The following NUDT7 variants were observed in gnomAD, a reference collection of about 807,000 sequenced individuals.
The protein encoded by NUDT7 is peroxisomal coenzyme A diphosphatase NUDT7.
A neutral mutation model predicts 13.1 loss-of-function variants in NUDT7; 19 were observed. The observed-to-expected ratio is 1.45, with a 90% CI of 1.01 to 2.13. The LOEUF is 2.13. Among genes scored for constraint, NUDT7 ranks in the 30% most tolerant of loss-of-function variants. The pLI is 0.00. For missense variants in NUDT7, 360 were observed against 291.7 expected (o/e 1.23, Z -1.71); for synonymous variants, 132 against 109.7 (o/e 1.20, Z -1.27).
intron 2 of NUDT7, among the ~76,000 whole-genome samples, chr16:77,727,784 G>A (rs2014184326): frequency 1.3e-5 from 2 of 152,144 alleles, no homozygotes; most frequent in South Asian, 4.1e-4. Flanking sequence ...TTGAACCTGG[G>A]AGGTGGAGGT....
At chr16:77,732,353 T>C (rs1404470787) in intron 2 of NUDT7, among the ~76,000 whole-genome samples, 1 of 151,716 alleles carries the variant, frequency 6.6e-6, no homozygotes, top group Non-Finnish European at 1.5e-5. Context: ...AAGAAAAATA[T>C]TTTTATAAAC....
At chr16:77,722,751 G>C in intron 1 of NUDT7, 134 bp downstream of exon 1, 2 of 800,752 alleles carry the variant, frequency 2.5e-6, no homozygotes, top group South Asian at 3.1e-5. Flanking sequence ...CCGGATGGGG[G>C]AGCACTCGCC....
At position 77,725,604 on chromosome 16, in the gene NUDT7, C is replaced by A. The variant is rs2014109968; in HGVS notation, c.189+20C>A. ...GAGAAGGTAGGTGGACAAAAAATTT[C>A]CTGCCCTTAAACCTCAGGACATCAG... On this transcript the variant is annotated intron_variant, in intron 2 of 3. Transcript: ENST00000268533. 6.2e-7 allele frequency: 1 copy of A among 1,612,190 alleles called. No homozygotes were observed. Among genetic ancestry groups the A allele is most frequent in the Admixed American group, 1.7e-5 (1 of 59,790 alleles).
intron 1 of NUDT7, 98 bp from the exon 2 acceptor site, chr16:77,725,333 T>C: frequency 9.1e-7 from 1 of 1,103,900 alleles, no homozygotes; most frequent in Non-Finnish European, 1.3e-6. Flanking sequence ...AATGGCAAAC[T>C]CCTAAATACA....
chr16:77,738,338 G>A (rs763812459), intron 3 of NUDT7, among the ~76,000 whole-genome samples: 4 of 152,128 alleles, frequency 2.6e-5, no homozygotes, highest in Non-Finnish European at 5.9e-5. Context: ...ATTCCTGGGG[G>A]CCAGATACTC....
chr16:77,726,622 C>G (rs1173525144), intron 2 of NUDT7, among the ~76,000 whole-genome samples: 1 of 152,124 alleles, frequency 6.6e-6, no homozygotes, highest in South Asian at 2.1e-4. Context: ...TAGTGAAACC[C>G]CATCTCTACT....
rs199760367 is a variant in NUDT7, at chr16:77,725,573, C to G, written c.178C>G (p.Arg60Gly). 2.4e-5 allele frequency: 38 copies of G among 1,613,748 alleles called. No homozygotes were observed. Among genetic ancestry groups the G allele is most frequent in the Non-Finnish European group, 3.2e-5 (38 of 1,179,918 alleles). Residue 60 changes from arginine (R) to glycine (G), a missense_variant, in exon 2 of 4, where the codon CGG (arginine) becomes GGG (glycine). By Grantham distance (125) the Arg-to-Gly change is moderately radical (BLOSUM62 -2). Coordinates refer to ENST00000268533, the MANE Select transcript of NUDT7 (RefSeq NM_001105663.3). ...EGKLHLLFTVRSEKLRRAPGE... is the reference protein window; with the variant it reads ...EGKLHLLFTVGSEKLRRAPGE... ...AAAACTCCATTTGTTGTTCACCGTC[C>G]GGTCAGAGAAGGTAGGTGGACAAAA... is the stretch of plus-strand genomic sequence containing the variant.
chr16:77,730,219 C>T (rs12443588), intron 2 of NUDT7, among the ~76,000 whole-genome samples: 125,492 of 152,118 alleles, frequency 0.82, 52,817 homozygotes, highest in South Asian at 0.94. Context: ...ATACATCTCT[C>T]GAATTTATTC....
intron 2 of NUDT7, among the ~76,000 whole-genome samples, chr16:77,733,711 A>G (rs970889926): frequency 6.6e-6 from 1 of 152,116 alleles, no homozygotes; most frequent in African/African-American, 2.4e-5. Context: ...CTCCATCCTC[A>G]TGGAACAATC....
At position 77,735,823 on chromosome 16, in the gene NUDT7, T is replaced by G. The variant is rs748857239; in HGVS notation, c.190-5T>G. On this transcript the variant is annotated splice_region_variant and splice_polypyrimidine_tract_variant and intron_variant, in intron 2 of 3. Transcript: ENST00000268533. ...ACATTGTAGCGCTGTTCTTTCTATA[T>G]CCAGCTAAGAAGGGCCCCTGGAGAA... is the stretch of plus-strand genomic sequence containing the variant. The G allele has an allele frequency of 1.2e-6, 2 of 1,612,254 alleles. No homozygotes were observed. The highest frequency in any genetic ancestry group is 4.5e-5 in the East Asian group (2 of 44,834).
intron 2 of NUDT7, among the ~76,000 whole-genome samples, chr16:77,730,535 A>C (rs539358715): frequency 6.6e-6 from 1 of 152,164 alleles, no homozygotes. Context: ...GGTTGATTCC[A>C]TGTCTTGGCC....
chr16:77,736,785 G>A (rs1242919751), intron 3 of NUDT7: 3 of 172,382 alleles, frequency 1.7e-5, no homozygotes, highest in Admixed American at 6.1e-5. Flanking sequence ...ACTTTCTATC[G>A]GTTCACCACA....
intron 2 of NUDT7, among the ~76,000 whole-genome samples, chr16:77,726,035 C>T (rs1174554459): frequency 2.0e-5 from 3 of 152,290 alleles, no homozygotes; most frequent in South Asian, 4.2e-4. Flanking sequence ...ACTATCCTGG[C>T]AGGATTGGGG....
At chr16:77,737,789 T>C (rs1184458951) in intron 3 of NUDT7, among the ~76,000 whole-genome samples, 1 of 152,200 alleles carries the variant, frequency 6.6e-6, no homozygotes, top group Non-Finnish European at 1.5e-5. Flanking sequence ...CCAGCCTTAA[T>C]GTTTTATATA....
At chr16:77,727,650 T>C (rs996491468) in intron 2 of NUDT7, among the ~76,000 whole-genome samples, 1 of 151,784 alleles carries the variant, frequency 6.6e-6, no homozygotes, top group African/African-American at 2.4e-5. Context: ...AGGTCAGGAG[T>C]TCGAGACCAG....
chr16:77,736,026 C>T (rs1171345819), intron 3 of NUDT7, 40 bp downstream of exon 3: 2 of 1,583,850 alleles, frequency 1.3e-6, no homozygotes, highest in South Asian at 1.1e-5. Context: ...CCGTCCCCAC[C>T]CCCAGGTGGA....
intron 2 of NUDT7, 43 bp downstream of exon 2, chr16:77,725,627 C>A (rs749453278): frequency 6.4e-7 from 1 of 1,574,760 alleles, no homozygotes; most frequent in African/African-American, 1.4e-5. Context: ...CTCAGGACAT[C>A]AGAAGACCTC....
intron 3 of NUDT7, among the ~76,000 whole-genome samples, chr16:77,736,932 G>A (rs2014505631): frequency 6.6e-6 from 1 of 152,142 alleles, no homozygotes; most frequent in African/African-American, 2.4e-5. Flanking sequence ...ATAGCTGTAG[G>A]CTGATGGAAA....
intron 1 of NUDT7, 101 bp downstream of exon 1, chr16:77,722,718 T>C (rs2013997434): frequency 2.4e-5 from 26 of 1,068,420 alleles, no homozygotes; most frequent in South Asian, 2.7e-5. Context: ...ATTTTGCAGC[T>C]CCCGCCAGTC....
Sources: gnomAD v4.1 joint callset for allele counts (sites outside exome capture counted in the v4.1 genomes callset) on GRCh38, gnomAD v4.1.1 for gene constraint, MANE v1.5 for transcripts, NCBI Gene and HGNC (gene_info 2026-07-23, HGNC 2026-07-21) for gene names.